The following LANCL2 variants were observed in gnomAD, a reference collection of about 807,000 sequenced individuals.
The protein encoded by LANCL2 is lanC-like protein 2.
In LANCL2, 33 loss-of-function variants were observed where a neutral mutation model predicts 56.9. The ratio of observed to expected loss-of-function variants is 0.58; its 90% CI spans 0.44 to 0.78. The LOEUF (loss-of-function observed/expected upper bound fraction) is 0.78, where lower values mean the gene tolerates loss of function less well. Ranked by LOEUF, LANCL2 falls within the 30% of genes least tolerant of loss-of-function variation. LANCL2 has a pLI of 0.00. For synonymous variants in LANCL2, 233 were observed against 228.2 expected, an observed-to-expected ratio of 1.02 and a Z score of -0.19; for missense variants, 562 against 580.2, an observed-to-expected ratio of 0.97 and a Z score of 0.32.
rs58797958 is a variant in LANCL2 at position 55,401,550 on chromosome 7, C to CTTT, written c.825+244_825+246dup. Among the ~76,000 whole-genome samples, 100 of 51,332 alleles carry CTTT rather than the reference C, an allele frequency of 1.9e-3. 3 individuals are homozygous for CTTT. Among genetic ancestry groups the CTTT allele is most frequent in the Admixed American group, 0.019 (69 of 3,690 alleles). The allele number at this position is 51,332 out of a possible 152,430, so 33.7% of individuals were successfully genotyped here. On this transcript the variant is annotated intron_variant, in intron 5 of 8. Coordinates refer to ENST00000254770, the MANE Select transcript of LANCL2 (RefSeq NM_018697.4). ...TTTTTTTTTTTTTTTTTCCAATTTT[C>CTTT]TTTTTTTTTTTTTTTTGATCATTCT...
At chr7:55,402,791 C>T (rs1211440471) in intron 5 of LANCL2, among the ~76,000 whole-genome samples, 2 of 125,146 alleles carry the variant, frequency 1.6e-5, no homozygotes, top group Admixed American at 7.2e-5. Context: ...AGGGTCTCCT[C>T]ACTTCTCAGA....
At chr7:55,397,769 C>G (rs537646692) in intron 2 of LANCL2, among the ~76,000 whole-genome samples, 1 of 140,344 alleles carries the variant, frequency 7.1e-6, no homozygotes, top group African/African-American at 2.6e-5. Flanking sequence ...TTCTCAGATT[C>G]ATTTGAAGAC....
At chr7:55,423,942 C>T (rs374646095) in intron 6 of LANCL2, among the ~76,000 whole-genome samples, 5 of 152,138 alleles carry the variant, frequency 3.3e-5, no homozygotes, top group Non-Finnish European at 7.3e-5. Flanking sequence ...CTCTGTTTCC[C>T]GCTGTGCCCT....
At chr7:55,386,518 G>C (rs1436455763) in intron 1 of LANCL2, among the ~76,000 whole-genome samples, 4 of 152,204 alleles carry the variant, frequency 2.6e-5, no homozygotes, top group African/African-American at 9.6e-5. Flanking sequence ...AGAGCTTTGT[G>C]CAGTACCAGT....
At chr7:55,412,229 CT>C (rs1358671013) in intron 6 of LANCL2, 140 bp downstream of exon 6, 4 of 744,658 alleles carry the variant, frequency 5.4e-6, no homozygotes, top group Non-Finnish European at 8.5e-6. Context: ...AATAAAGTCT[CT>C]GTATTTTACC....
chr7:55,386,135 C>G (rs992942864), intron 1 of LANCL2, among the ~76,000 whole-genome samples: 1 of 152,154 alleles, frequency 6.6e-6, no homozygotes, highest in African/African-American at 2.4e-5. Flanking sequence ...ACATGCTGTA[C>G]AATTTGTGTA....
At chr7:55,403,438 AGAGGGAGAGGGAGAGGGAGAG>A (rs1398825552) in intron 5 of LANCL2, among the ~76,000 whole-genome samples, 7 of 138,096 alleles carry the variant, frequency 5.1e-5, no homozygotes, top group African/African-American at 1.7e-4. Context: ...CCGTGGAAAG[AGAGGGAGAGGGAGAGGGAGAG>A]GAGGGAGAGG....
intron 1 of LANCL2, among the ~76,000 whole-genome samples, chr7:55,388,119 T>G (rs760281752): frequency 2.6e-5 from 4 of 152,194 alleles, no homozygotes; most frequent in Non-Finnish European, 5.9e-5. Context: ...GTTTAAAATG[T>G]GCACAAAAAC....
chr7:55,366,963 C>G (rs1259036332), intron 1 of LANCL2, among the ~76,000 whole-genome samples: 10 of 152,144 alleles, frequency 6.6e-5, no homozygotes, highest in African/African-American at 2.2e-4. Context: ...CCGCCTTGCT[C>G]GGCTCTGGTG....
intron 1 of LANCL2, among the ~76,000 whole-genome samples, chr7:55,368,552 C>T (rs1331061851): frequency 6.6e-6 from 1 of 152,078 alleles, no homozygotes; most frequent in Non-Finnish European, 1.5e-5. Flanking sequence ...ACACTGTCTT[C>T]CCTATTAATA....
chr7:55,411,128 G>T (rs188890386), intron 5 of LANCL2, among the ~76,000 whole-genome samples: 1 of 152,152 alleles, frequency 6.6e-6, no homozygotes, highest in South Asian at 2.1e-4. Context: ...ACCCTAAGAT[G>T]CTCACTTAGC....
intron 5 of LANCL2, among the ~76,000 whole-genome samples, chr7:55,404,792 T>C (rs1320572997): frequency 2.0e-5 from 3 of 152,132 alleles, no homozygotes. Flanking sequence ...TTTTGTATTT[T>C]TAGTAGAGAT....
intron 2 of LANCL2, among the ~76,000 whole-genome samples, chr7:55,392,506 A>C (rs1335978712): frequency 6.7e-6 from 1 of 150,096 alleles, no homozygotes; most frequent in Non-Finnish European, 1.5e-5. Context: ...ACATGCCACC[A>C]CACCTGGCTA....
intron 1 of LANCL2, among the ~76,000 whole-genome samples, chr7:55,378,276 A>G (rs574939849): frequency 6.6e-6 from 1 of 152,252 alleles, no homozygotes; most frequent in South Asian, 2.1e-4. Flanking sequence ...TCTGGCCAAC[A>G]TGGGGAAACC....
intron 1 of LANCL2, among the ~76,000 whole-genome samples, chr7:55,376,492 T>C (rs1462199434): frequency 6.6e-6 from 1 of 152,136 alleles, no homozygotes; most frequent in Admixed American, 6.5e-5. Context: ...AGAAAGGGTC[T>C]CCTAGGTCCA....
intron 5 of LANCL2, among the ~76,000 whole-genome samples, chr7:55,405,490 C>CTT (rs35842812): frequency 5.3e-4 from 65 of 123,310 alleles, no homozygotes; most frequent in African/African-American, 1.5e-3. Context: ...GGTTCAGGAA[C>CTT]TTTTTTTTTT....
At chr7:55,380,869 CTTT>C (rs66710499) in intron 1 of LANCL2, among the ~76,000 whole-genome samples, 6 of 118,582 alleles carry the variant, frequency 5.1e-5, no homozygotes, top group Admixed American at 8.9e-5. Context: ...GAGTGAATTT[CTTT>C]TTTTTTTTTT....
At chr7:55,409,626 T>C (rs888658072) in intron 5 of LANCL2, among the ~76,000 whole-genome samples, 6 of 151,990 alleles carry the variant, frequency 3.9e-5, no homozygotes, top group African/African-American at 1.5e-4. Context: ...GGGAGCAGAA[T>C]CCCCAGGAAG....
rs756164223 is a variant in LANCL2 at position 55,428,363 on chromosome 7, CT to C, written c.1186-9del. 7 of 1,610,626 alleles carry C rather than the reference CT, an allele frequency of 4.3e-6. No homozygotes were observed. The South Asian group carries it at 7.7e-5, about 18-fold the overall frequency. On this transcript the variant is annotated splice_polypyrimidine_tract_variant and intron_variant, in intron 7 of 8. Transcript: ENST00000254770. ...AAACTCCAGTCTTAAAAAGAAATCCCTTTCTTTTCAGTTTGCAGAGTGGTGT... is the reference window on the plus strand; with the variant it reads ...AAACTCCAGTCTTAAAAAGAAATCCCTTCTTTTCAGTTTGCAGAGTGGTGT...
Sources: gnomAD v4.1 joint callset for allele counts (sites outside exome capture counted in the v4.1 genomes callset) on GRCh38, gnomAD v4.1.1 for gene constraint, MANE v1.5 for transcripts, NCBI Gene and HGNC (gene_info 2026-07-23, HGNC 2026-07-21) for gene names.